Variants in CP observed in about 807,000 individuals in gnomAD.
The protein encoded by CP is caeruloplasmin.
In CP, 64 loss-of-function variants were observed where a neutral mutation model predicts 122.4. The observed-to-expected ratio is 0.52, with a 90% CI of 0.43 to 0.64. The LOEUF is 0.64. Ranked by LOEUF, CP falls within the 30% of genes least tolerant of loss-of-function variation. The pLI is 0.00. For missense variants in CP, 1,167 were observed against 1,284.4 expected (o/e 0.91, Z 1.40); for synonymous variants, 440 against 436.4 (o/e 1.01, Z -0.10).
chr3:149,163,102 C>T (rs1724053176), intron 5 of CP, among the ~76,000 whole-genome samples: 1 of 152,148 alleles, frequency 6.6e-6, no homozygotes, highest in Non-Finnish European at 1.5e-5. Flanking sequence ...ATTAATGTCC[C>T]TCACTTAATT....
chr3:149,187,473 G>A (rs1726249724), intron 10 of CP, among the ~76,000 whole-genome samples: 1 of 152,066 alleles, frequency 6.6e-6, no homozygotes, highest in Non-Finnish European at 1.5e-5. Flanking sequence ...AAAAAATCTG[G>A]TATTAGACTT....
At position 149,186,671 on chromosome 3, in the gene CP, G is replaced by T. The variant is rs757472310; in HGVS notation, c.1926C>A (p.Val642=). The T allele has an allele frequency of 8.1e-6, 13 of 1,614,056 alleles. No individual in the cohort carries two copies. Among genetic ancestry groups the T allele is most frequent in the South Asian group, 1.1e-5 (1 of 91,054 alleles). ...PGLTMCKGDS[V]VWYLFSAGNE... is the part of the protein sequence containing the mutation. The stretch of plus-strand genomic sequence containing the variant: ...TTCCGGCGCTGAATAAGTACCACAC[G>T]ACCGAATCTCCTTTGCACATAGTGA... Residue 642 remains valine, a synonymous_variant, in exon 11 of 19, where the codon GTC becomes GTA. Coordinates refer to ENST00000264613, the MANE Select transcript of CP (RefSeq NM_000096.4).
At chr3:149,209,500 A>G (rs2108295187) in intron 3 of CP, 116 bp from the exon 4 acceptor site, 1 of 1,046,952 alleles carries the variant, frequency 9.6e-7, no homozygotes, top group Non-Finnish European at 1.4e-6. Flanking sequence ...CGAATAAATC[A>G]CAAGTCTGGA....
At position 149,183,552 on chromosome 3, in the gene CP, T is replaced by C; in HGVS notation, c.2339A>G (p.Lys780Arg). Residue 780 changes from lysine to arginine, a missense_variant, in exon 13 of 19, where the codon AAG becomes AGG. Coordinates refer to ENST00000264613, the MANE Select transcript of CP (RefSeq NM_000096.4). ...KGEFYIGSKY[K>R]KVVYRQYTDS... ...AGTATACTGCCGATACACAACTTTC[T>C]TGTACTTTGAGCCTATGTAAAACTC... 6.2e-7 allele frequency: 1 copy of C among 1,610,930 alleles called. No homozygotes were observed. The highest frequency in any genetic ancestry group is 8.5e-7 in the Non-Finnish European group (1 of 1,178,168).
chr3:149,181,975 C>CGGGGGGGGCGGG, intron 14 of CP, 30 bp downstream of exon 14: 1 of 1,088,426 alleles, frequency 9.2e-7, no homozygotes, highest in Non-Finnish European at 1.4e-6. Context: ...TGTTAAAATG[C>CGGGGGGGGCGGG]ACCACCCCCA....
chr3:149,198,486 G>A lies in CP; in HGVS notation c.1594C>T (p.Pro532Ser). The change falls in exon 9 of 19, where the codon CCT becomes TCT. Residue 532 changes from proline (P) to serine (S), a missense_variant. Physicochemically the swap from Pro to Ser is moderately conservative, Grantham distance 74. Around this residue, in one of 2 missense-constraint regions of CP, gnomAD observed 525 missense variants for 657.2 expected, o/e 0.80. Coordinates refer to ENST00000264613, the MANE Select transcript of CP (RefSeq NM_000096.4). ...TAATACATCTTAGCTAGACACACAG[G>A]ATCTGCATTAGTGGGTCCTACTTCT... ...PKEVGPTNADPVCLAKMYYSA... is the reference protein window; with the variant it reads ...PKEVGPTNADSVCLAKMYYSA... The A allele has an allele frequency of 6.2e-7, 1 of 1,614,016 alleles. No individual in the cohort carries two copies.
rs376410072 is a variant in CP at position 149,207,347 on chromosome 3, G to A, written c.1036+16C>T. The A allele has an allele frequency of 3.7e-6, 6 of 1,613,556 alleles. No individual in the cohort carries two copies. The highest frequency in any genetic ancestry group is 2.7e-5 in the African/African-American group (2 of 74,860). On this transcript the variant is annotated intron_variant, in intron 5 of 18. Coordinates refer to ENST00000264613, the MANE Select transcript of CP (RefSeq NM_000096.4). ...CTTTTTCAGCTGACTGCTAATTTCA[G>A]GTAAAGATGTCCTACCTTTCAGATG...
At position 149,221,657 on chromosome 3, in the gene CP, A is replaced by G; in HGVS notation, c.136T>C (p.Ser46Pro). The G allele has an allele frequency of 9.9e-6, 16 of 1,612,116 alleles. No individual in the cohort carries two copies. The highest frequency in any genetic ancestry group is 1.4e-5 in the Non-Finnish European group (16 of 1,179,444). The change falls in exon 1 of 19, where the codon TCT becomes CCT. Residue 46 changes from serine to proline, a missense_variant. Around this residue, in one of 2 missense-constraint regions of CP, gnomAD observed 642 missense variants for 627.3 expected, o/e 1.02. Coordinates refer to ENST00000264613, the MANE Select transcript of CP (RefSeq NM_000096.4). ...AAAATAGTGACTTACGTGTCAACAG[A>G]AATAAGTTTCTTTTCCCCATGGTCA... ...ASDHGEKKLI[S>P]VDTEHSNIYL...
rs758399451 is a variant in CP, at chr3:149,185,315, C to T, written c.2209G>A (p.Ala737Thr). Reference sequence around the variant, plus strand: ...TAATCCCATTCCACCTCCACTGCTGCGATATAGTATGTCCTCTCTCCCAGG... The same window carrying T: ...TAATCCCATTCCACCTCCACTGCTGTGATATAGTATGTCCTCTCTCCCAGG... ...FYLGERTYYI[A>T]AVEVEWDYSP... The change falls in exon 12 of 19, where the codon GCA (alanine) becomes ACA (threonine). Residue 737 changes from alanine to threonine, a missense_variant. Physicochemically the swap from Ala to Thr is moderately conservative, Grantham distance 58. Around this residue, in one of 2 missense-constraint regions of CP, gnomAD observed 525 missense variants for 657.2 expected, o/e 0.80. Coordinates refer to ENST00000264613, the MANE Select transcript of CP (RefSeq NM_000096.4). 4 of 1,613,874 alleles carry T rather than the reference C, an allele frequency of 2.5e-6. No homozygotes were observed. The highest frequency in any genetic ancestry group is 2.2e-5 in the South Asian group (2 of 91,070).
chr3:149,183,374 A>C, intron 13 of CP, 92 bp downstream of exon 13: 1 of 1,387,730 alleles, frequency 7.2e-7, no homozygotes, highest in Non-Finnish European at 1.0e-6. Flanking sequence ...ATATGAACCA[A>C]GAAAATGAAA....
chr3:149,173,794 G>T, intron 18 of CP, 64 bp from the exon 19 acceptor site: 2 of 816,826 alleles, frequency 2.4e-6, no homozygotes, highest in Admixed American at 2.5e-5. Context: ...TTAGTAGATG[G>T]TTCTTTAAAT....
At chr3:149,163,657 A>C (rs982558929) in intron 5 of CP, among the ~76,000 whole-genome samples, 1 of 152,222 alleles carries the variant, frequency 6.6e-6, no homozygotes, top group African/African-American at 2.4e-5. Flanking sequence ...TTAGTGTAGA[A>C]GCAAGCAAGA....
At chr3:149,219,799 G>A (rs1386383910) in intron 1 of CP, among the ~76,000 whole-genome samples, 1 of 152,080 alleles carries the variant, frequency 6.6e-6, no homozygotes, top group Non-Finnish European at 1.5e-5. Context: ...GGAGGGCTCA[G>A]AAGAAGATAG....
intron 9 of CP, among the ~76,000 whole-genome samples, chr3:149,192,912 T>A (rs1726635989): frequency 6.6e-6 from 1 of 151,700 alleles, no homozygotes; most frequent in Non-Finnish European, 1.5e-5. Context: ...CTCCTACACT[T>A]TACGCAGTGA....
chr3:149,177,675 A>G (rs1367266108), intron 17 of CP, 165 bp downstream of exon 17: 1 of 760,924 alleles, frequency 1.3e-6, no homozygotes, highest in Non-Finnish European at 2.2e-6. Context: ...TTTCCTGAAT[A>G]TTTTCAATCC....
chr3:149,194,125 T>C (rs1726726657), intron 9 of CP, among the ~76,000 whole-genome samples: 1 of 152,100 alleles, frequency 6.6e-6, no homozygotes, highest in South Asian at 2.1e-4. Context: ...GAGAGTTTAA[T>C]AAACATTAGT....
At chr3:149,200,011 G>C in intron 7 of CP, 147 bp from the exon 8 acceptor site, 1 of 797,580 alleles carries the variant, frequency 1.3e-6, no homozygotes, top group South Asian at 1.5e-5. Context: ...TGGTTTTTGA[G>C]AAGTCCATAA....
exon 5 of CP, chr3:149,165,961 A>G (rs1486114280): frequency 2.2e-6 from 1 of 454,572 alleles, no homozygotes; most frequent in Admixed American, 2.4e-5. Flanking sequence ...TCTCCTGGTC[A>G]TTCCTTGGTA....
downstream of CP, chr3:149,171,994 C>T: frequency 8.4e-7 from 1 of 1,188,260 alleles, no homozygotes; most frequent in Non-Finnish European, 1.2e-6. Flanking sequence ...CGTGAGCCAC[C>T]ACGCCTGGCC....
Sources: allele counts gnomAD v4.1 joint callset (sites outside exome capture counted in the v4.1 genomes callset), GRCh38; gene constraint gnomAD v4.1.1; regional missense constraint gnomAD v4.1.1; transcripts MANE v1.5; gene names NCBI Gene and HGNC (gene_info 2026-07-23, HGNC 2026-07-21).